WEE2: variants seen among roughly 807,000 people sequenced by gnomAD.
WEE2 encodes wee1-like protein kinase 2.
Under a neutral mutation model 60.1 loss-of-function variants are expected in WEE2, and 50 were observed. That is an observed-to-expected ratio of 0.83 (90% CI 0.66 to 1.05). WEE2 has a LOEUF of 1.05. Ranked by LOEUF, WEE2 falls within the 50% of genes least tolerant of loss-of-function variation. The pLI, the probability that WEE2 is intolerant of heterozygous loss-of-function variation, is 0.00. For missense variants in WEE2, 631 were observed against 684.3 expected (o/e 0.92, Z 0.87); for synonymous variants, 240 against 241.0 (o/e 1.00, Z 0.04).
At chr7:141,712,424 T>C (rs530858010) in intron 1 of WEE2, among the ~76,000 whole-genome samples, 1 of 152,316 alleles carries the variant, frequency 6.6e-6, no homozygotes, top group South Asian at 2.1e-4. Context: ...ATTTGCCCTC[T>C]CTAGAGCACA....
chr7:141,730,251 C>G, intron 11 of WEE2, 44 bp from the exon 12 acceptor site: 2 of 1,597,724 alleles, frequency 1.3e-6, no homozygotes, highest in Non-Finnish European at 1.7e-6. Context: ...TTCCTAATGC[C>G]ACTGATCAAT....
chr7:141,716,153 G>A (rs1456553828), intron 2 of WEE2, 69 bp from the exon 3 acceptor site: 2 of 1,338,954 alleles, frequency 1.5e-6, no homozygotes, highest in East Asian at 2.5e-5. Flanking sequence ...TACATCCCTA[G>A]AACCTAGCAT....
rs769240789 is a variant in WEE2 at position 141,711,090 on chromosome 7, T to G, written c.342+1990T>G. 6.6e-6 allele frequency among the ~76,000 whole-genome samples: 1 copy of G among 152,192 alleles called. No homozygotes were observed. The highest frequency in any genetic ancestry group is 1.5e-5 in the Non-Finnish European group (1 of 68,038). On this transcript the variant is annotated intron_variant, in intron 1 of 11. Transcript: ENST00000397541. The surrounding 1 kb of genome is among the most constrained non-coding windows in gnomAD (Gnocchi z 4.2). The stretch of plus-strand genomic sequence containing the variant: ...AATCTGATGACTGAGGTTTCTTGCT[T>G]GGTTCAGTAGACAGAATCAAGATAG...
intron 5 of WEE2, among the ~76,000 whole-genome samples, chr7:141,722,094 GC>G (rs1407466001): frequency 3.9e-5 from 6 of 152,112 alleles, no homozygotes; most frequent in African/African-American, 1.4e-4. Flanking sequence ...TGAAGAACCT[GC>G]CAATGAACAC....
At chr7:141,726,845 A>G (rs1034148701) in intron 9 of WEE2, among the ~76,000 whole-genome samples, 3 of 152,190 alleles carry the variant, frequency 2.0e-5, no homozygotes, top group Non-Finnish European at 4.4e-5. Context: ...TATTCAAATC[A>G]TGATAGGTTA....
At position 141,720,982 on chromosome 7, in the gene WEE2, AC is replaced by A; in HGVS notation, c.811del (p.His271MetfsTer15). 6.2e-7 allele frequency: 1 copy of A among 1,614,118 alleles called. No homozygotes were observed. On this transcript the variant is annotated frameshift_variant, in exon 5 of 12. Transcript: ENST00000397541. LOFTEE classifies it high-confidence loss of function. ...TATGCTCACGCAGTGCTTGGGCATCACCCCCATGTGGTACGTTACTATTCCT... is the reference window on the plus strand; with the variant it reads ...TATGCTCACGCAGTGCTTGGGCATCACCCCATGTGGTACGTTACTATTCCT... ...EVYAHAVLGHHPHVVRYYSSW... is the reference protein window; with the variant it reads ...EVYAHAVLGHXPHVVRYYSSW...
Position 141,708,736 on chromosome 7 carries a change from T to C in WEE2, c.-23T>C, listed in dbSNP as rs1341277626. 6.3e-7 allele frequency: 1 copy of C among 1,590,930 alleles called. No individual in the cohort carries two copies. Among genetic ancestry groups the C allele is most frequent in the Non-Finnish European group, 8.6e-7 (1 of 1,163,112 alleles). On this transcript the variant is annotated 5_prime_UTR_variant, in exon 1 of 12. Coordinates refer to ENST00000397541, the MANE Select transcript of WEE2 (RefSeq NM_001105558.1). ...CCCTTCTGATAGAGCTTTTTGTCTG[T>C]GTTGTAAAGCTCTTTGGCTGAGATG...
At chr7:141,714,935 A>C (rs1336848221) in intron 2 of WEE2, among the ~76,000 whole-genome samples, 1 of 152,222 alleles carries the variant, frequency 6.6e-6, no homozygotes, top group Non-Finnish European at 1.5e-5. Flanking sequence ...CCTGAATGAC[A>C]GAAATCATCC....
intron 10 of WEE2, 169 bp downstream of exon 10, chr7:141,727,615 CG>C: frequency 1.3e-6 from 1 of 791,416 alleles, no homozygotes; most frequent in East Asian, 2.8e-5. Context: ...TTTGTAGCAT[CG>C]GGCTGGGAGG....
rs755334628 is a variant in WEE2, at chr7:141,716,211, T to TC, written c.540-10dup. On this transcript the variant is annotated splice_polypyrimidine_tract_variant and intron_variant, in intron 2 of 11. Coordinates refer to ENST00000397541, the MANE Select transcript of WEE2 (RefSeq NM_001105558.1). ...ATTATATATTGATAAACTTTTTTTT[T>TC]CTTTTTTAAGTGAGGAAGCTGGTCC... 1.9e-6 allele frequency: 3 copies of TC among 1,610,016 alleles called. No homozygotes were observed. The highest frequency in any genetic ancestry group is 1.3e-5 in the African/African-American group (1 of 74,834).
rs755194526 is a variant in WEE2, at chr7:141,729,638, T to C, written c.1643T>C (p.Val548Ala). 6.2e-7 allele frequency: 1 copy of C among 1,613,906 alleles called. No individual in the cohort carries two copies. Among genetic ancestry groups the C allele is most frequent in the Non-Finnish European group, 8.5e-7 (1 of 1,179,966 alleles). Residue 548 changes from valine to alanine, a missense_variant, in exon 11 of 12, where the codon GTG becomes GCG. By Grantham distance (64) the Val-to-Ala change is moderately conservative. Transcript: ENST00000397541. Reference sequence around the variant, plus strand: ...GGATCAAGAAGCACAAAACGCCTGGTGGGAGGAAAGAGTGCAAGGTCTTCA... The same window carrying C: ...GGATCAAGAAGCACAAAACGCCTGGCGGGAGGAAAGAGTGCAAGGTCTTCA... ...HTGSRSTKRL[V>A]GGKSARSSSF...
At chr7:141,724,381 T>C in intron 8 of WEE2, 106 bp downstream of exon 8, 1 of 969,752 alleles carries the variant, frequency 1.0e-6, no homozygotes, top group South Asian at 1.7e-5. Context: ...ATCATTATAG[T>C]ACCGCTCTTC....
At position 141,723,176 on chromosome 7, in the gene WEE2, G is replaced by A; in HGVS notation, c.923G>A (p.Gly308Asp). The A allele has an allele frequency of 6.2e-7, 1 of 1,614,138 alleles. No individual in the cohort carries two copies. Among genetic ancestry groups the A allele is most frequent in the Non-Finnish European group, 8.5e-7 (1 of 1,180,020 alleles). The change falls in exon 6 of 12, where the codon GGC becomes GAC. Residue 308 changes from glycine (G) to aspartate (D), a missense_variant. Transcript: ENST00000397541. ...GCTATATCTGAAAACACTAAGTCTGGCAATCATTTTGAAGAGCCAAAACTC... is the reference window on the plus strand; with the variant it reads ...GCTATATCTGAAAACACTAAGTCTGACAATCATTTTGAAGAGCCAAAACTC... ...QAAISENTKS[G>D]NHFEEPKLKD... is the part of the protein sequence containing the mutation.
intron 2 of WEE2, among the ~76,000 whole-genome samples, chr7:141,714,880 G>A (rs1361673092): frequency 6.6e-6 from 1 of 152,172 alleles, no homozygotes; most frequent in Non-Finnish European, 1.5e-5. Flanking sequence ...TGCTTTCAGA[G>A]CTGCTAAAGA....
chr7:141,717,120 A>C (rs955944224), intron 3 of WEE2, among the ~76,000 whole-genome samples: 5 of 152,230 alleles, frequency 3.3e-5, no homozygotes, highest in Non-Finnish European at 5.9e-5. Context: ...AAAGACTCAA[A>C]ATTTTATACG....
At position 141,723,300 on chromosome 7, in the gene WEE2, G is replaced by A; in HGVS notation, c.1027+20G>A. 6.2e-7 allele frequency: 1 copy of A among 1,609,902 alleles called. No homozygotes were observed. Among genetic ancestry groups the A allele is most frequent in the Non-Finnish European group, 8.5e-7 (1 of 1,178,068 alleles). ...AACCTAGTCAGTGTGATTCCCTTCTGCCACTTCTACCGTATTTTGTTCTTT... is the reference window on the plus strand; with the variant it reads ...AACCTAGTCAGTGTGATTCCCTTCTACCACTTCTACCGTATTTTGTTCTTT... On this transcript the variant is annotated intron_variant, in intron 6 of 11. Coordinates refer to ENST00000397541, the MANE Select transcript of WEE2 (RefSeq NM_001105558.1).
chr7:141,722,760 CTT>C (rs967651239), intron 5 of WEE2, among the ~76,000 whole-genome samples: 3 of 152,238 alleles, frequency 2.0e-5, no homozygotes, highest in African/African-American at 4.8e-5. Context: ...TTAGGTAAAA[CTT>C]TTAAAATGTT....
chr7:141,729,421 G>C, intron 10 of WEE2, 110 bp from the exon 11 acceptor site: 1 of 1,445,772 alleles, frequency 6.9e-7, no homozygotes, highest in Admixed American at 1.9e-5. Context: ...CAGGCTTTTC[G>C]TTTCTGTAAA....
chr7:141,712,115 A>G lies in WEE2; in HGVS notation c.343-2094A>G, dbSNP rs191836286. On this transcript the variant is annotated intron_variant, in intron 1 of 11. Coordinates refer to ENST00000397541, the MANE Select transcript of WEE2 (RefSeq NM_001105558.1). Reference sequence around the variant, plus strand: ...AAGCATCAGGGGACTCATCATATTGACTGGGCCTTTAAAACATCCAAACAT... The same window carrying G: ...AAGCATCAGGGGACTCATCATATTGGCTGGGCCTTTAAAACATCCAAACAT... 1.9e-3 allele frequency among the ~76,000 whole-genome samples: 294 copies of G among 152,162 alleles called. 10 individuals are homozygous for G. Among genetic ancestry groups the G allele is most frequent in the Non-Finnish European group, 2.1e-3 (146 of 68,012 alleles).
Sources: allele counts gnomAD v4.1 joint callset (sites outside exome capture counted in the v4.1 genomes callset), GRCh38; gene constraint gnomAD v4.1.1; non-coding constraint Gnocchi (gnomAD v3.1); transcripts MANE v1.5; gene names NCBI Gene and HGNC (gene_info 2026-07-23, HGNC 2026-07-21).